Variants in UGT1A9 observed in about 807,000 individuals in gnomAD.
UGT1A9 encodes the protein UDP glucuronosyltransferase family 1 member A9.
In UGT1A9, 35 loss-of-function variants were observed where a neutral mutation model predicts 45.0. The ratio of observed to expected loss-of-function variants is 0.78; its 90% CI spans 0.59 to 1.03. The LOEUF (loss-of-function observed/expected upper bound fraction) is 1.03, where lower values mean the gene tolerates loss of function less well. Among genes scored for constraint, UGT1A9 ranks in the 50% least tolerant of loss-of-function variants. The pLI is 0.00. For synonymous variants in UGT1A9, 278 were observed against 250.6 expected (o/e 1.11, Z -1.03); for missense variants, 687 against 666.6 (o/e 1.03, Z -0.34).
chr2:233,713,196 A>C (rs775448281), intron 1 of UGT1A9: 1 of 1,614,238 alleles, frequency 6.2e-7, no homozygotes, highest in Non-Finnish European at 8.5e-7. Flanking sequence ...GAATATGTAC[A>C]TCAAAGAAGA....
At chr2:233,756,070 G>A (rs1207859334) in intron 1 of UGT1A9, 1 of 152,196 alleles carries the variant, frequency 6.6e-6, no homozygotes, top group African/African-American at 2.4e-5. Flanking sequence ...GTGGGAGAAT[G>A]ACAATGAGAA....
chr2:233,673,088 G>A (rs951487954), intron 1 of UGT1A9, among the ~76,000 whole-genome samples: 2 of 151,938 alleles, frequency 1.3e-5, no homozygotes, highest in African/African-American at 2.4e-5. Context: ...TCCCTTTTTT[G>A]TTAATTCTAT....
intron 1 of UGT1A9, chr2:233,753,700 T>A (rs1032888616): frequency 6.6e-6 from 1 of 152,228 alleles, no homozygotes; most frequent in African/African-American, 2.4e-5. Context: ...CAGATGCACT[T>A]GGCTTTCATC....
chr2:233,719,548 T>C, intron 1 of UGT1A9: 1 of 1,613,762 alleles, frequency 6.2e-7, no homozygotes, highest in Non-Finnish European at 8.5e-7. Flanking sequence ...CAGAGAGAGG[T>C]GTCAGTGGTG....
intron 1 of UGT1A9, chr2:233,713,358 A>G (rs772185686): frequency 1.2e-5 from 19 of 1,614,040 alleles, no homozygotes; most frequent in Non-Finnish European, 1.4e-5. Flanking sequence ...TATGTCTTTG[A>G]TCATACATAG....
intron 1 of UGT1A9, among the ~76,000 whole-genome samples, chr2:233,759,447 C>G (rs1697141448): frequency 1.3e-5 from 2 of 152,254 alleles, no homozygotes; most frequent in Non-Finnish European, 2.9e-5. Context: ...TAAATCCAGG[C>G]CCAGTTAGCC....
intron 1 of UGT1A9, chr2:233,747,857 C>G: frequency 6.2e-7 from 1 of 1,613,516 alleles, no homozygotes. Flanking sequence ...AGAACATGCT[C>G]TACCCTCTGG....
Position 233,672,666 on chromosome 2 carries a change from C to T in UGT1A9, c.732C>T (p.Leu244=). 6.2e-7 allele frequency: 1 copy of T among 1,613,946 alleles called. No individual in the cohort carries two copies. The highest frequency in any genetic ancestry group is 8.5e-7 in the Non-Finnish European group (1 of 1,179,858). ...ILQTPVTEYD[L]YSHTSIWLLR... is the part of the protein sequence containing the mutation. ...AAACACCTGTTACGGAGTATGATCT[C>T]TACAGCCACACATCAATTTGGTTGT... The change falls in exon 1 of 5, where the codon CTC becomes CTT. Residue 244 remains leucine, a synonymous_variant. Coordinates refer to ENST00000354728, the MANE Select transcript of UGT1A9 (RefSeq NM_021027.3).
intron 1 of UGT1A9, among the ~76,000 whole-genome samples, chr2:233,748,368 T>C (rs76077604): frequency 0.034 from 5,139 of 151,930 alleles, 164 homozygotes; most frequent in African/African-American, 0.052. Context: ...ATCTTCATGG[T>C]TGTGCATGTC....
chr2:233,700,469 A>G (rs997170910), intron 1 of UGT1A9, among the ~76,000 whole-genome samples: 5 of 152,226 alleles, frequency 3.3e-5, no homozygotes, highest in Admixed American at 3.3e-4. Context: ...AGCTAAAAAA[A>G]GTATTCAACA....
chr2:233,683,986 G>A (rs1470062095), intron 1 of UGT1A9, among the ~76,000 whole-genome samples: 1 of 152,130 alleles, frequency 6.6e-6, no homozygotes, highest in Non-Finnish European at 1.5e-5. Context: ...AATTGAAAAA[G>A]TCGTGACAAA....
At position 233,673,580 on chromosome 2, in the gene UGT1A9, A is replaced by G. The variant is rs914512716; in HGVS notation, c.855+791A>G. On this transcript the variant is annotated intron_variant, in intron 1 of 4. Transcript: ENST00000354728. Reference sequence around the variant, plus strand: ...TTTTTGCTATTGTGTCTTCCTGTTCAGGAATATGTATGTCTCACTATTTAT... The same window carrying G: ...TTTTTGCTATTGTGTCTTCCTGTTCGGGAATATGTATGTCTCACTATTTAT... Among the ~76,000 whole-genome samples the G allele has an allele frequency of 7.9e-5, 12 of 152,270 alleles. No individual in the cohort carries two copies. In the South Asian group the frequency reaches 2.3e-3, roughly 29 times the overall value.
intron 1 of UGT1A9, chr2:233,761,111 T>C: frequency 6.2e-7 from 1 of 1,614,220 alleles, no homozygotes; most frequent in Non-Finnish European, 8.5e-7. Context: ...ATGGTTTTTG[T>C]TGGTGGAATC....
chr2:233,757,382 C>T (rs1017517189), intron 1 of UGT1A9, among the ~76,000 whole-genome samples: 3 of 151,230 alleles, frequency 2.0e-5, no homozygotes, highest in African/African-American at 7.3e-5. Flanking sequence ...AGATTCAGCA[C>T]TTACTTGCTG....
At position 233,671,934 on chromosome 2, in the gene UGT1A9, G is replaced by C; in HGVS notation, c.-1G>C. 6.2e-7 allele frequency: 1 copy of C among 1,604,458 alleles called. No homozygotes were observed. The highest frequency in any genetic ancestry group is 8.5e-7 in the Non-Finnish European group (1 of 1,175,092). ...TGCTTGCTCTCAGCTGCAGTTCTCTGATGGCTTGCACAGGGTGGACCAGCC... is the reference window on the plus strand; with the variant it reads ...TGCTTGCTCTCAGCTGCAGTTCTCTCATGGCTTGCACAGGGTGGACCAGCC... On this transcript the variant is annotated 5_prime_UTR_variant, in exon 1 of 5. Coordinates refer to ENST00000354728, the MANE Select transcript of UGT1A9 (RefSeq NM_021027.3).
At chr2:233,704,732 C>T (rs2075805299) in intron 1 of UGT1A9, among the ~76,000 whole-genome samples, 2 of 152,108 alleles carry the variant, frequency 1.3e-5, no homozygotes. Flanking sequence ...CTCCCAACTG[C>T]CTCCCTTGTG....
chr2:233,703,901 T>A (rs1235763751), intron 1 of UGT1A9, among the ~76,000 whole-genome samples: 1 of 152,040 alleles, frequency 6.6e-6, no homozygotes, highest in Non-Finnish European at 1.5e-5. Flanking sequence ...TTCTTTTCTT[T>A]TTTTTTTGAG....
At position 233,757,558 on chromosome 2, in the gene UGT1A9, A is replaced by G. The variant is rs1013342289; in HGVS notation, c.856-9476A>G. ...GGAATATATATATATATATATATAT[A>G]TATGTATATATGATATAGCTATAGT... On this transcript the variant is annotated intron_variant, in intron 1 of 4. Transcript: ENST00000354728. Among the ~76,000 whole-genome samples the G allele has an allele frequency of 6.8e-4, 85 of 124,456 alleles. 2 individuals carry two copies. Among genetic ancestry groups the G allele is most frequent in the Admixed American group, 2.1e-3 (27 of 12,944 alleles). 81.6% of individuals were successfully genotyped at this position (124,456 alleles called of 152,430 possible).
intron 1 of UGT1A9, chr2:233,719,760 T>C: frequency 1.2e-6 from 2 of 1,612,360 alleles, no homozygotes; most frequent in Non-Finnish European, 1.7e-6. Context: ...TACTTACAAG[T>C]GCTTCCATAT....
Sources: gnomAD v4.1 joint callset for allele counts (sites outside exome capture counted in the v4.1 genomes callset) on GRCh38, gnomAD v4.1.1 for gene constraint, MANE v1.5 for transcripts, NCBI Gene and HGNC (gene_info 2026-07-23, HGNC 2026-07-21) for gene names.